HDAC9: variants seen among roughly 807,000 people sequenced by gnomAD.
The protein encoded by HDAC9 is histone deacetylase 9.
In HDAC9, 41 loss-of-function variants were observed where a neutral mutation model predicts 139.4. The ratio of observed to expected loss-of-function variants is 0.29; its 90% CI spans 0.23 to 0.38. HDAC9 has a LOEUF of 0.38. HDAC9 is among the 10% of genes least tolerant of loss of function. The pLI, the probability that HDAC9 is intolerant of heterozygous loss-of-function variation, is 1.00. For synonymous variants in HDAC9, 517 were observed against 476.2 expected, an observed-to-expected ratio of 1.09 and a Z score of -1.12; for missense variants, 1,147 against 1,297.0, an observed-to-expected ratio of 0.88 and a Z score of 1.78.
Position 18,195,431 on chromosome 7 carries a change from T to C in HDAC9, c.25+33082T>C, listed in dbSNP as rs546222863. Among the ~76,000 whole-genome samples, 127 of 152,336 alleles carry C rather than the reference T, an allele frequency of 8.3e-4. 1 individual carries two copies. Among genetic ancestry groups the C allele is most frequent in the Middle Eastern group, 3.4e-3 (1 of 294 alleles). ...TTTCTGCAGTTAAATTCATAGATCT[T>C]AATCTTAAATGAGATAAATAAAAAC... is the stretch of plus-strand genomic sequence containing the variant. On this transcript the variant is annotated intron_variant, in intron 2 of 12. Coordinates refer to the HDAC9 transcript ENST00000417496.
chr7:18,886,849 G>A (rs1277766857), intron 22 of HDAC9, among the ~76,000 whole-genome samples: 1 of 152,158 alleles, frequency 6.6e-6, no homozygotes, highest in African/African-American at 2.4e-5. Flanking sequence ...GACAAAAAAT[G>A]GTTCTTCCTT....
At chr7:18,209,845 C>T (rs1197769657) in intron 2 of HDAC9, among the ~76,000 whole-genome samples, 2 of 151,920 alleles carry the variant, frequency 1.3e-5, no homozygotes, top group African/African-American at 2.4e-5. Flanking sequence ...GGACTACGGG[C>T]GCCCGCCACC....
chr7:18,563,227 A>G (rs1821155744), intron 2 of HDAC9, among the ~76,000 whole-genome samples: 1 of 152,146 alleles, frequency 6.6e-6, no homozygotes, highest in Admixed American at 6.5e-5. Context: ...TGCTATTATA[A>G]TCTCAGTATA....
At chr7:18,777,110 G>A (rs1171851052) in intron 16 of HDAC9, among the ~76,000 whole-genome samples, 2 of 152,006 alleles carry the variant, frequency 1.3e-5, no homozygotes, top group African/African-American at 4.8e-5. Context: ...ACTTACTCAG[G>A]CACTCAAAGA....
chr7:18,648,751 A>G, intron 11 of HDAC9, 68 bp downstream of exon 11: 1 of 1,302,118 alleles, frequency 7.7e-7, no homozygotes, highest in Non-Finnish European at 1.1e-6. Flanking sequence ...CTTCACTGAT[A>G]TGGGTGTCTA....
chr7:18,793,728 A>G lies in HDAC9; in HGVS notation c.2322+276A>G, dbSNP rs149310490. 3.8e-3 allele frequency among the ~76,000 whole-genome samples: 581 copies of G among 152,308 alleles called. 2 individuals carry two copies. Among genetic ancestry groups the G allele is most frequent in the African/African-American group, 0.013 (546 of 41,582 alleles). On this transcript the variant is annotated intron_variant, in intron 17 of 25. Coordinates refer to ENST00000686413, the MANE Select transcript of HDAC9 (RefSeq NM_178425.4). ...GAGATAATAAGCAAAGCTATGGTTCAGGTAAAAAATACCTTTAGTATATAC... is the reference window on the plus strand; with the variant it reads ...GAGATAATAAGCAAAGCTATGGTTCGGGTAAAAAATACCTTTAGTATATAC...
intron 2 of HDAC9, among the ~76,000 whole-genome samples, chr7:18,218,345 G>C: frequency 6.6e-6 from 1 of 152,116 alleles, no homozygotes; most frequent in Non-Finnish European, 1.5e-5. Context: ...TCAGAAGGCT[G>C]AGGCATAAGA....
intron 2 of HDAC9, among the ~76,000 whole-genome samples, chr7:18,183,936 G>T (rs1389010971): frequency 6.6e-6 from 1 of 152,122 alleles, no homozygotes; most frequent in Non-Finnish European, 1.5e-5. Flanking sequence ...TGCATAAAAA[G>T]TCACTATTAA....
intron 24 of HDAC9, among the ~76,000 whole-genome samples, chr7:18,962,455 A>C (rs1002074385): frequency 1.3e-5 from 2 of 152,116 alleles, no homozygotes; most frequent in Non-Finnish European, 2.9e-5. Flanking sequence ...TAATACTAGA[A>C]TGTATCAGAA....
intron 1 of HDAC9, among the ~76,000 whole-genome samples, chr7:18,136,312 A>G (rs952487806): frequency 1.3e-5 from 2 of 151,870 alleles, no homozygotes; most frequent in Non-Finnish European, 2.9e-5. Flanking sequence ...GTTTAATTAG[A>G]TCCCATTTGT....
chr7:18,397,861 G>A (rs1787194865), intron 1 of HDAC9, among the ~76,000 whole-genome samples: 1 of 152,032 alleles, frequency 6.6e-6, no homozygotes, highest in Non-Finnish European at 1.5e-5. Context: ...CCAGAGAAGG[G>A]GCTGGCCTGT....
intron 1 of HDAC9, among the ~76,000 whole-genome samples, chr7:18,416,974 C>T (rs1043953202): frequency 9.2e-5 from 14 of 151,926 alleles, no homozygotes; most frequent in East Asian, 3.9e-4. Flanking sequence ...GCTTGGGGTT[C>T]GCTGAGATTT....
intron 12 of HDAC9, among the ~76,000 whole-genome samples, chr7:18,717,276 G>A (rs1784772220): frequency 6.6e-6 from 1 of 152,060 alleles, no homozygotes; most frequent in Non-Finnish European, 1.5e-5. Flanking sequence ...ACTGTGCACC[G>A]CACTTGCGTA....
At chr7:18,236,232 C>T (rs1793805884) in intron 2 of HDAC9, among the ~76,000 whole-genome samples, 1 of 152,166 alleles carries the variant, frequency 6.6e-6, no homozygotes, top group African/African-American at 2.4e-5. Context: ...GTTAGCAATG[C>T]AGATCCTTGG....
intron 8 of HDAC9, among the ~76,000 whole-genome samples, chr7:18,638,213 A>C (rs999333178): frequency 2.6e-5 from 4 of 152,084 alleles, no homozygotes; most frequent in Admixed American, 2.6e-4. Context: ...GTAGAAAAGC[A>C]TGTCACCTAA....
At position 18,169,485 on chromosome 7, in the gene HDAC9, G is replaced by A. The variant is rs557449896; in HGVS notation, c.25+7136G>A. Among the ~76,000 whole-genome samples, 240 of 151,418 alleles carry A rather than the reference G, an allele frequency of 1.6e-3. 1 individual carries two copies. Among genetic ancestry groups the A allele is most frequent in the Non-Finnish European group, 3.1e-3 (208 of 67,902 alleles). On this transcript the variant is annotated intron_variant, in intron 2 of 12. Coordinates refer to the HDAC9 transcript ENST00000417496. The stretch of plus-strand genomic sequence containing the variant: ...TCTTTTTTTTTAAATTATACTTTAA[G>A]TTGTAGGGTACATGTGCACAACGTA...
rs565623729 is a variant in HDAC9 at position 18,509,574 on chromosome 7, G to T, written c.22+13250G>T. The T allele has an allele frequency of 2.1e-3, 989 of 477,776 alleles. 3 individuals carry two copies. Among genetic ancestry groups the T allele is most frequent in the South Asian group, 0.01 (114 of 11,260 alleles). 29.6% of individuals were successfully genotyped at this position (477,776 alleles called of 1,614,324 possible). On this transcript the variant is annotated intron_variant, in intron 2 of 25. Transcript: ENST00000686413. ...TGTTTTTGTTGTTGTTGATTTCTTA[G>T]TCTAAGAATTACCAGGTATTTCCTT...
intron 2 of HDAC9, among the ~76,000 whole-genome samples, chr7:18,536,361 A>G (rs911752533): frequency 6.6e-6 from 1 of 152,196 alleles, no homozygotes; most frequent in African/African-American, 2.4e-5. Context: ...GCTCCCACCT[A>G]AACCACAAAT....
chr7:18,516,524 C>A (rs1391458308), intron 2 of HDAC9, among the ~76,000 whole-genome samples: 1 of 151,966 alleles, frequency 6.6e-6, no homozygotes, highest in Non-Finnish European at 1.5e-5. Flanking sequence ...ACATGAGAAC[C>A]CCAGAGGATG....
Sources: allele counts gnomAD v4.1 joint callset (sites outside exome capture counted in the v4.1 genomes callset), GRCh38; gene constraint gnomAD v4.1.1; transcripts MANE v1.5; gene names NCBI Gene and HGNC (gene_info 2026-07-23, HGNC 2026-07-21).